The following WDFY1 variants were observed in gnomAD, a reference collection of about 807,000 sequenced individuals.
WDFY1 encodes the protein WD repeat and FYVE domain-containing protein 1.
WDFY1 carries 32 observed loss-of-function variants against 56.4 expected under a neutral mutation model. The observed-to-expected ratio is 0.57, with a 90% CI of 0.43 to 0.76. The LOEUF (loss-of-function observed/expected upper bound fraction) is 0.76, where lower values mean the gene tolerates loss of function less well. WDFY1 is among the 30% of genes least tolerant of loss of function. The pLI, the probability that WDFY1 is intolerant of heterozygous loss-of-function variation, is 0.00. For synonymous variants in WDFY1, 192 were observed against 197.3 expected, an observed-to-expected ratio of 0.97 and a Z score of 0.23; for missense variants, 480 against 545.7, an observed-to-expected ratio of 0.88 and a Z score of 1.20.
chr2:223,936,059 T>A (rs1205655563), intron 1 of WDFY1, among the ~76,000 whole-genome samples: 1 of 31,888 alleles, frequency 3.1e-5, no homozygotes, highest in African/African-American at 9.8e-5. Context: ...CCCAAAGTCC[T>A]TTTTTTTTTT....
chr2:223,914,694 T>G (rs1357377941), intron 2 of WDFY1, among the ~76,000 whole-genome samples: 1 of 152,190 alleles, frequency 6.6e-6, no homozygotes, highest in East Asian at 1.9e-4. Flanking sequence ...TGACAAGCAA[T>G]CAACCCTTCT....
intron 7 of WDFY1, 38 bp from the exon 8 acceptor site, chr2:223,894,377 C>T (rs368188961): frequency 1.8e-5 from 29 of 1,604,048 alleles, no homozygotes; most frequent in Non-Finnish European, 2.3e-5. Flanking sequence ...TGTCTCCATG[C>T]GGAAAAACAC....
intron 8 of WDFY1, among the ~76,000 whole-genome samples, chr2:223,885,794 G>A (rs185103434): frequency 7.9e-5 from 12 of 152,114 alleles, no homozygotes; most frequent in Admixed American, 3.3e-4. Flanking sequence ...GGACTATGCC[G>A]GCAGATTTGC....
chr2:223,891,915 C>T (rs1236029238), intron 8 of WDFY1, among the ~76,000 whole-genome samples: 1 of 152,158 alleles, frequency 6.6e-6, no homozygotes, highest in East Asian at 1.9e-4. Flanking sequence ...AGCTGATAAA[C>T]GTAAAACACA....
At chr2:223,915,994 A>ATTCT (rs1490106107) in intron 2 of WDFY1, among the ~76,000 whole-genome samples, 1 of 152,244 alleles carries the variant, frequency 6.6e-6, no homozygotes, top group Non-Finnish European at 1.5e-5. Flanking sequence ...GGGTAACAGA[A>ATTCT]GAGATGCCAC....
intron 10 of WDFY1, among the ~76,000 whole-genome samples, chr2:223,881,070 G>C (rs1233290986): frequency 6.6e-6 from 1 of 152,248 alleles, no homozygotes; most frequent in East Asian, 1.9e-4. Flanking sequence ...CAAAGGGAAG[G>C]AAAGAAAATA....
At chr2:223,926,016 G>A (rs531194330) in intron 1 of WDFY1, among the ~76,000 whole-genome samples, 1 of 152,222 alleles carries the variant, frequency 6.6e-6, no homozygotes, top group Non-Finnish European at 1.5e-5. Context: ...TATTAATACT[G>A]ACAGTTTAAC....
chr2:223,904,245 C>T (rs1232607462), intron 4 of WDFY1, among the ~76,000 whole-genome samples: 2 of 152,036 alleles, frequency 1.3e-5, no homozygotes, highest in Non-Finnish European at 2.9e-5. Context: ...CACTTTTCTC[C>T]TATTTTATTT....
At chr2:223,922,841 A>C (rs1693908361) in intron 1 of WDFY1, among the ~76,000 whole-genome samples, 1 of 152,230 alleles carries the variant, frequency 6.6e-6, no homozygotes, top group Admixed American at 6.5e-5. Context: ...ATACAGCTTT[A>C]GAATACTTAA....
chr2:223,945,236 G>A lies in WDFY1; in HGVS notation c.49C>T (p.Leu17=). The change falls in exon 1 of 12, where the codon CTG becomes TTG. Residue 17 remains leucine (L), a synonymous_variant. Transcript: ENST00000233055. ...TCCTGGTGCCCCTCGATCTTGCTCA[G>A]CAGCACCGGGCGGCTGCTCTGCGGC... is the stretch of plus-strand genomic sequence containing the variant. ...SRPQSSRPVL[L]SKIEGHQDAV... 1 of 1,592,628 alleles carries A rather than the reference G, an allele frequency of 6.3e-7. No homozygotes were observed. Among genetic ancestry groups the A allele is most frequent in the Non-Finnish European group, 8.5e-7 (1 of 1,173,320 alleles).
intron 3 of WDFY1, among the ~76,000 whole-genome samples, chr2:223,907,605 C>T (rs993308002): frequency 6.6e-6 from 1 of 152,154 alleles, no homozygotes; most frequent in Non-Finnish European, 1.5e-5. Context: ...ATAAATGCAC[C>T]AACACTGCAC....
Position 223,901,259 on chromosome 2 carries a change from A to T in WDFY1, c.409T>A (p.Cys137Ser). ...EWVISTGHDK[C>S]VSWMCTRSGN... ...CTCCGCGTGCACATCCAGCTCACAC[A>T]CTTGTCGTGGCCGGTACTGATCACC... The change falls in exon 5 of 12, where the codon TGT becomes AGT. Residue 137 changes from cysteine (C) to serine (S), a missense_variant. Coordinates refer to ENST00000233055, the MANE Select transcript of WDFY1 (RefSeq NM_020830.5). 1 of 1,614,080 alleles carries T rather than the reference A, an allele frequency of 6.2e-7. No individual in the cohort carries two copies. The highest frequency in any genetic ancestry group is 8.5e-7 in the Non-Finnish European group (1 of 1,179,982).
intron 3 of WDFY1, among the ~76,000 whole-genome samples, 164 bp downstream of exon 3, chr2:223,912,089 A>G (rs1441205643): frequency 6.6e-6 from 1 of 152,198 alleles, no homozygotes; most frequent in African/African-American, 2.4e-5. Flanking sequence ...TGCTGGGATT[A>G]CAGATGTGAG....
intron 4 of WDFY1, among the ~76,000 whole-genome samples, chr2:223,901,628 A>AT (rs149356094): frequency 0.031 from 4,436 of 144,354 alleles, 157 homozygotes; most frequent in African/African-American, 0.094. Flanking sequence ...TAGAGAACAG[A>AT]TTTTTTTTTT....
In WDFY1 at chr2:223,878,704, G is replaced by C. The variant is rs781212942; in HGVS notation, c.1200C>G (p.Gly400=). The change falls in exon 12 of 12, where the codon GGC becomes GGG. Residue 400 remains glycine, a synonymous_variant. Transcript: ENST00000233055. The part of the protein sequence containing the change: ...VKIWDMTPVV[G]CSLATGFSPH ...GAGAAAACCCAGTCGCCAGACTGCA[G>C]CCCACCACAGGTGTCATGTCCCAGA... The C allele has an allele frequency of 3.7e-6, 6 of 1,613,506 alleles. No homozygotes were observed. The East Asian group carries it at 1.3e-4, about 36-fold the overall frequency.
At chr2:223,885,707 T>C (rs1160203937) in intron 8 of WDFY1, among the ~76,000 whole-genome samples, 1 of 152,190 alleles carries the variant, frequency 6.6e-6, no homozygotes, top group African/African-American at 2.4e-5. Context: ...GACCTACCAC[T>C]TGGAAAGGCT....
chr2:223,928,914 AG>A (rs1475943482), intron 1 of WDFY1, among the ~76,000 whole-genome samples: 1 of 152,130 alleles, frequency 6.6e-6, no homozygotes. Context: ...GGGGTGAGAG[AG>A]CCCCAGGACC....
chr2:223,911,020 C>CT (rs1247776817), intron 3 of WDFY1, among the ~76,000 whole-genome samples: 1 of 152,194 alleles, frequency 6.6e-6, no homozygotes, highest in African/African-American at 2.4e-5. Context: ...ACCCAAATGT[C>CT]TATCAACTAA....
intron 8 of WDFY1, 144 bp from the exon 9 acceptor site, chr2:223,884,893 T>G (rs1186724212): frequency 1.5e-6 from 1 of 662,174 alleles, no homozygotes; most frequent in Non-Finnish European, 2.5e-6. Flanking sequence ...CAGGCTGGAG[T>G]GCAGTATGTG....
Sources: gnomAD v4.1 joint callset for allele counts (sites outside exome capture counted in the v4.1 genomes callset) on GRCh38, gnomAD v4.1.1 for gene constraint, MANE v1.5 for transcripts, NCBI Gene and HGNC (gene_info 2026-07-23, HGNC 2026-07-21) for gene names.